ZNF514: variants seen among roughly 807,000 people sequenced by gnomAD.
ZNF514 encodes zinc finger protein 514.
ZNF514 carries 12 observed loss-of-function variants against 9.7 expected under a neutral mutation model. The ratio of observed to expected loss-of-function variants is 1.24; its 90% CI spans 0.79 to 2.01. ZNF514 has a LOEUF of 2.01. ZNF514 is among the 30% of genes most tolerant of loss of function. ZNF514 has a pLI of 0.00. For synonymous variants in ZNF514, 158 were observed against 163.7 expected, an observed-to-expected ratio of 0.97 and a Z score of 0.27; for missense variants, 467 against 465.5, an observed-to-expected ratio of 1.00 and a Z score of -0.03.
At chr2:95,142,924 A>G (rs1236164421), downstream of ZNF514, among the ~76,000 whole-genome samples, 1 of 152,252 alleles carries the variant, frequency 6.6e-6, no homozygotes, top group African/African-American at 2.4e-5. Context: ...TTGCATTGCT[A>G]GGATTATTTG....
In ZNF514 at chr2:95,152,354, T is replaced by C. The variant is rs1673565915; in HGVS notation, c.217+320A>G. Among the ~76,000 whole-genome samples, 8 of 152,208 alleles carry C rather than the reference T, an allele frequency of 5.3e-5. No individual in the cohort carries two copies. The South Asian group carries it at 1.7e-3, about 32-fold the overall frequency. Reference sequence around the variant, plus strand: ...CCCTCACTAACTCCCTTAACTCTGCTGATCTAGGATTGCCTGGCCCTATAC... The same window carrying C: ...CCCTCACTAACTCCCTTAACTCTGCCGATCTAGGATTGCCTGGCCCTATAC... On this transcript the variant is annotated intron_variant, in intron 4 of 4. Coordinates refer to ENST00000295208, the MANE Select transcript of ZNF514 (RefSeq NM_032788.3).
intron 3 of ZNF514, 114 bp from the exon 4 acceptor site, chr2:95,152,883 G>A: frequency 1.9e-6 from 2 of 1,076,548 alleles, no homozygotes; most frequent in Non-Finnish European, 2.8e-6. Flanking sequence ...CAGAGAACAG[G>A]CATTGTGAAA....
At chr2:95,132,124 G>A in the ZNF514 span, among the ~76,000 whole-genome samples, 28 of 113,662 alleles carry the variant, frequency 2.5e-4, no homozygotes, top group African/African-American at 9.4e-4. Flanking sequence ...CAGCCTGGAC[G>A]ACAGAGCAAG....
chr2:95,129,462 C>T, the ZNF514 span, among the ~76,000 whole-genome samples: 5 of 152,100 alleles, frequency 3.3e-5, no homozygotes, highest in South Asian at 2.1e-4. Flanking sequence ...TGTGGTGTCT[C>T]GCTGGGAAAG....
the ZNF514 span, among the ~76,000 whole-genome samples, chr2:95,132,654 G>A: frequency 1.3e-5 from 2 of 152,050 alleles, no homozygotes; most frequent in Non-Finnish European, 2.9e-5. Flanking sequence ...TGGATCACGA[G>A]GTCAGGAGTT....
chr2:95,128,210 C>T, the ZNF514 span, among the ~76,000 whole-genome samples: 3 of 152,010 alleles, frequency 2.0e-5, no homozygotes, highest in Non-Finnish European at 4.4e-5. Context: ...CTGGCCAACA[C>T]AGTGAAACCT....
At chr2:95,138,372 T>C in the ZNF514 span, among the ~76,000 whole-genome samples, 1 of 152,178 alleles carries the variant, frequency 6.6e-6, no homozygotes, top group Non-Finnish European at 1.5e-5. Context: ...AAAATGCTTA[T>C]AGTGATATGG....
At chr2:95,132,689 G>A in the ZNF514 span, among the ~76,000 whole-genome samples, 69 of 152,032 alleles carry the variant, frequency 4.5e-4, no homozygotes, top group Middle Eastern at 3.4e-3. Context: ...TCAACATGGC[G>A]AAACCCCGTC....
chr2:95,155,014 G>A (rs2104473639), intron 2 of ZNF514: 1 of 152,282 alleles, frequency 6.6e-6, no homozygotes, highest in Admixed American at 6.5e-5. Flanking sequence ...CCACAATTAA[G>A]GCTAAAGAAG....
At chr2:95,128,679 A>G in the ZNF514 span, among the ~76,000 whole-genome samples, 4 of 149,378 alleles carry the variant, frequency 2.7e-5, no homozygotes, top group Admixed American at 6.7e-5. Flanking sequence ...AGAAGAAGTA[A>G]GAAGGAGGAA....
chr2:95,135,975 A>T, the ZNF514 span, among the ~76,000 whole-genome samples: 15 of 152,068 alleles, frequency 9.9e-5, no homozygotes, highest in South Asian at 3.1e-3. Flanking sequence ...GAGGCAGGAG[A>T]ATTACTTGAA....
At chr2:95,155,073 C>T (rs147509713) in intron 2 of ZNF514, 1 of 152,254 alleles carries the variant, frequency 6.6e-6, no homozygotes, top group African/African-American at 2.4e-5. Context: ...ACACATGGAG[C>T]CAACTGGAAA....
At chr2:95,129,810 T>C in the ZNF514 span, among the ~76,000 whole-genome samples, 1 of 152,098 alleles carries the variant, frequency 6.6e-6, no homozygotes, top group Non-Finnish European at 1.5e-5. Context: ...CTCAAGGAAC[T>C]GACTTTATTT....
Position 95,146,921 on chromosome 2 carries a change from C to T in ZNF514, c.*2361G>A, listed in dbSNP as rs1323375237. On this transcript the variant is annotated 3_prime_UTR_variant, in exon 5 of 5. Coordinates refer to ENST00000295208, the MANE Select transcript of ZNF514 (RefSeq NM_032788.3). ...GATCTTGACCTCAGCTGTCCAAGTA[C>T]TTCCAGATCCAGATGCCTCCTGTGC... Among the ~76,000 whole-genome samples, 1 of 152,144 alleles carries T rather than the reference C, an allele frequency of 6.6e-6. No homozygotes were observed. The highest frequency in any genetic ancestry group is 1.5e-5 in the Non-Finnish European group (1 of 68,030).
At chr2:95,151,546 T>G (rs1269066289) in intron 4 of ZNF514, among the ~76,000 whole-genome samples, 1 of 152,256 alleles carries the variant, frequency 6.6e-6, no homozygotes, top group Non-Finnish European at 1.5e-5. Context: ...TTCTGACCTA[T>G]GAACTATGAC....
Position 95,148,339 on chromosome 2 carries a change from T to G in ZNF514, c.*943A>C, listed in dbSNP as rs1673421871. 1 of 152,274 alleles carries G rather than the reference T, an allele frequency of 6.6e-6. No homozygotes were observed. Among genetic ancestry groups the G allele is most frequent in the Non-Finnish European group, 1.5e-5 (1 of 68,048 alleles). 9.4% of individuals were successfully genotyped at this position (152,274 alleles called of 1,614,324 possible). ...CGTCAGTAACAGCATGAGGAGGCAA[T>G]GCACAAGTGTCGTTATACAAATGGC... On this transcript the variant is annotated 3_prime_UTR_variant, in exon 5 of 5. Transcript: ENST00000295208.
At chr2:95,139,896 A>G in the ZNF514 span, among the ~76,000 whole-genome samples, 1 of 151,960 alleles carries the variant, frequency 6.6e-6, no homozygotes, top group African/African-American at 2.4e-5. Flanking sequence ...GTTCTCATGA[A>G]TGGAAAAAGT....
At chr2:95,128,491 G>A in the ZNF514 span, among the ~76,000 whole-genome samples, 3 of 152,136 alleles carry the variant, frequency 2.0e-5, no homozygotes, top group Admixed American at 6.6e-5. Context: ...AGGAGGCGGA[G>A]GTTGCAGTGA....
At chr2:95,127,726 A>G in the ZNF514 span, among the ~76,000 whole-genome samples, 1 of 152,070 alleles carries the variant, frequency 6.6e-6, no homozygotes, top group South Asian at 2.1e-4. Flanking sequence ...CTCCTGCCTT[A>G]GCCTCACAAG....
Sources: gnomAD v4.1 joint callset for allele counts (sites outside exome capture counted in the v4.1 genomes callset) on GRCh38, gnomAD v4.1.1 for gene constraint, MANE v1.5 for transcripts, NCBI Gene and HGNC (gene_info 2026-07-23, HGNC 2026-07-21) for gene names.